Variants in EIF5B observed in about 807,000 individuals in gnomAD.
EIF5B encodes eIF-5B.
Under a neutral mutation model 147.5 loss-of-function variants are expected in EIF5B, and 47 were observed. The ratio of observed to expected loss-of-function variants is 0.32; its 90% CI spans 0.25 to 0.41. The LOEUF (loss-of-function observed/expected upper bound fraction) is 0.41, where lower values mean the gene tolerates loss of function less well. Ranked by LOEUF, EIF5B falls within the 10% of genes least tolerant of loss-of-function variation. The pLI, the probability that EIF5B is intolerant of heterozygous loss-of-function variation, is 1.00. For missense variants in EIF5B, 1,064 were observed against 1,413.2 expected, an observed-to-expected ratio of 0.75 and a Z score of 3.96; for synonymous variants, 455 against 456.2, an observed-to-expected ratio of 1.00 and a Z score of 0.03.
chr2:99,373,170 AT>A (rs1351776704), intron 9 of EIF5B, among the ~76,000 whole-genome samples: 1 of 152,254 alleles, frequency 6.6e-6, no homozygotes, highest in Non-Finnish European at 1.5e-5. Flanking sequence ...TTTGATTTAC[AT>A]GATCTTTTTC....
chr2:99,348,433 C>T (rs912471958), intron 1 of EIF5B, among the ~76,000 whole-genome samples: 4 of 152,164 alleles, frequency 2.6e-5, no homozygotes, highest in Non-Finnish European at 5.9e-5. Context: ...TGGGCTTTCC[C>T]TTCTTTTGTC....
intron 12 of EIF5B, 144 bp from the exon 13 acceptor site, chr2:99,382,015 C>A (rs763881658): frequency 6.9e-6 from 4 of 577,480 alleles, no homozygotes; most frequent in Non-Finnish European, 1.2e-5. Context: ...CTGTACTTTG[C>A]TGGTTAACTC....
At chr2:99,349,059 G>A (rs982337204) in intron 1 of EIF5B, among the ~76,000 whole-genome samples, 5 of 152,188 alleles carry the variant, frequency 3.3e-5, no homozygotes, top group Admixed American at 1.3e-4. Context: ...CATTAGCTTG[G>A]CAGTGAGCAT....
At chr2:99,343,780 C>T (rs1003345182) in intron 1 of EIF5B, among the ~76,000 whole-genome samples, 6 of 151,202 alleles carry the variant, frequency 4.0e-5, no homozygotes, top group African/African-American at 9.7e-5. Flanking sequence ...CACCACTGCA[C>T]GTCAGCCTGG....
chr2:99,362,965 G>A (rs1217118576), intron 4 of EIF5B, among the ~76,000 whole-genome samples: 5 of 151,778 alleles, frequency 3.3e-5, no homozygotes, highest in East Asian at 2.0e-4. Context: ...CGTCATGTTC[G>A]CCAGGCTGGT....
chr2:99,355,568 T>C (rs1674077653), intron 1 of EIF5B, among the ~76,000 whole-genome samples: 1 of 151,702 alleles, frequency 6.6e-6, no homozygotes, highest in South Asian at 2.1e-4. Flanking sequence ...GATTGTTTTT[T>C]CCCCCTCAGT....
intron 1 of EIF5B, chr2:99,340,774 T>TC (rs1332523336): frequency 3.3e-5 from 5 of 151,868 alleles, no homozygotes; most frequent in African/African-American, 1.2e-4. Flanking sequence ...TGAAAAATCT[T>TC]CTTTTTTTTT....
chr2:99,393,764 C>G (rs1373900999), intron 18 of EIF5B, among the ~76,000 whole-genome samples: 1 of 152,130 alleles, frequency 6.6e-6, no homozygotes, highest in Non-Finnish European at 1.5e-5. Flanking sequence ...AGTGGACTTA[C>G]GTCCCTTCAG....
At chr2:99,384,151 C>T (rs977308060) in intron 14 of EIF5B, among the ~76,000 whole-genome samples, 4 of 142,532 alleles carry the variant, frequency 2.8e-5, no homozygotes, top group African/African-American at 8.1e-5. Flanking sequence ...GAGCCGAGAT[C>T]GCGCCACTGC....
intron 22 of EIF5B, 84 bp downstream of exon 22, chr2:99,396,982 C>G: frequency 4.7e-6 from 7 of 1,474,976 alleles, no homozygotes; most frequent in Non-Finnish European, 6.4e-6. Context: ...AGCTTTGTGC[C>G]TGTAGTTCAC....
rs1674886269 is a variant in EIF5B at position 99,389,822 on chromosome 2, G to C, written c.2376G>C (p.Lys792Asn). The change falls in exon 15 of 24, where the codon AAG becomes AAC. Residue 792 changes from lysine (K) to asparagine (N), a missense_variant. Transcript: ENST00000289371. ...NTKDEFEERAKAIIVEFAQQG... is the reference protein window; with the variant it reads ...NTKDEFEERANAIIVEFAQQG... ...AAGATGAATTTGAGGAGCGAGCAAA[G>C]GCTATTATTGTAGAATTTGCACAGC... The C allele has an allele frequency of 6.2e-7, 1 of 1,611,988 alleles. No homozygotes were observed. The highest frequency in any genetic ancestry group is 1.1e-5 in the South Asian group (1 of 90,414).
rs1285169904 is a variant in EIF5B at position 99,369,384 on chromosome 2, T to C, written c.1388-8T>C. On this transcript the variant is annotated splice_region_variant and splice_polypyrimidine_tract_variant and intron_variant, in intron 7 of 23. Transcript: ENST00000289371. The stretch of plus-strand genomic sequence containing the variant: ...AAAATATTATCTTGGTTTCTGCCCC[T>C]TTTTCAGTGTCTGAATCAATGGAAT... 5 of 1,595,384 alleles carry C rather than the reference T, an allele frequency of 3.1e-6. No individual in the cohort carries two copies. In the African/African-American group the frequency reaches 4.0e-5, roughly 13 times the overall value.
At chr2:99,342,741 CCCT>C (rs1202077865) in intron 1 of EIF5B, among the ~76,000 whole-genome samples, 5 of 152,032 alleles carry the variant, frequency 3.3e-5, no homozygotes, top group African/African-American at 1.2e-4. Flanking sequence ...AAGCAGTCCT[CCCT>C]CCTCAGCCTC....
intron 15 of EIF5B, 94 bp downstream of exon 15, chr2:99,389,943 C>A: frequency 1.4e-6 from 2 of 1,452,154 alleles, no homozygotes; most frequent in Non-Finnish European, 1.8e-6. Context: ...AATACTGGTT[C>A]TTTTCCTCTG....
intron 9 of EIF5B, among the ~76,000 whole-genome samples, chr2:99,372,736 G>A (rs908311579): frequency 3.9e-5 from 6 of 152,166 alleles, no homozygotes; most frequent in African/African-American, 1.4e-4. Context: ...TTTGAAATAT[G>A]TTGATTATTG....
At chr2:99,393,167 G>A in intron 18 of EIF5B, 69 bp downstream of exon 18, 1 of 1,343,550 alleles carries the variant, frequency 7.4e-7, no homozygotes, top group Non-Finnish European at 9.7e-7. Flanking sequence ...CATTGCACAT[G>A]CTAGGGATGG....
At chr2:99,371,503 AAAGAT>A (rs1006603135) in intron 8 of EIF5B, among the ~76,000 whole-genome samples, 148 bp from the exon 9 acceptor site, 23 of 152,072 alleles carry the variant, frequency 1.5e-4, no homozygotes, top group African/African-American at 5.1e-4. Flanking sequence ...AAAAAAAAAA[AAAGAT>A]AGTTCTAAAG....
intron 1 of EIF5B, chr2:99,340,556 C>T (rs908666021): frequency 6.6e-6 from 1 of 152,198 alleles, no homozygotes; most frequent in South Asian, 2.1e-4. Flanking sequence ...ACAGAACATA[C>T]AATACTCACT....
chr2:99,366,314 C>T lies in EIF5B; in HGVS notation c.1288+1893C>T, dbSNP rs919340037. On this transcript the variant is annotated intron_variant, in intron 6 of 23. Transcript: ENST00000289371. ...AGTCTAGGGTGTTATTGGGACCACCCTTCAGGTAATCCAGCCTACAGTTTC... is the reference window on the plus strand; with the variant it reads ...AGTCTAGGGTGTTATTGGGACCACCTTTCAGGTAATCCAGCCTACAGTTTC... Among the ~76,000 whole-genome samples the T allele has an allele frequency of 3.9e-5, 6 of 152,306 alleles. 1 individual carries two copies. The highest frequency in any genetic ancestry group is 3.9e-4 in the Admixed American group (6 of 15,300).
Sources: gnomAD v4.1 joint callset for allele counts (sites outside exome capture counted in the v4.1 genomes callset) on GRCh38, gnomAD v4.1.1 for gene constraint, MANE v1.5 for transcripts, NCBI Gene and HGNC (gene_info 2026-07-23, HGNC 2026-07-21) for gene names.